GRM7: variants seen among roughly 807,000 people sequenced by gnomAD.
GRM7 encodes glutamate metabotropic receptor 7.
A neutral mutation model predicts 84.5 loss-of-function variants in GRM7; 35 were observed. The observed-to-expected ratio is 0.41, with a 90% CI of 0.32 to 0.55. The LOEUF (loss-of-function observed/expected upper bound fraction) is 0.55, where lower values mean the gene tolerates loss of function less well. Among genes scored for constraint, GRM7 ranks in the 20% least tolerant of loss-of-function variants. The pLI, the probability that GRM7 is intolerant of heterozygous loss-of-function variation, is 0.19. For missense variants in GRM7, 1,003 were observed against 1,194.6 expected, an observed-to-expected ratio of 0.84 and a Z score of 2.36; for synonymous variants, 487 against 455.1, an observed-to-expected ratio of 1.07 and a Z score of -0.89.
chr3:6,924,044 A>G (rs529884151), intron 1 of GRM7, among the ~76,000 whole-genome samples: 1 of 152,320 alleles, frequency 6.6e-6, no homozygotes, highest in South Asian at 2.1e-4. Context: ...TGCTAGCTTT[A>G]TAGCAATGTG....
chr3:7,557,538 GA>G (rs1476977888), intron 7 of GRM7, among the ~76,000 whole-genome samples: 2 of 152,090 alleles, frequency 1.3e-5, no homozygotes, highest in African/African-American at 4.8e-5. Flanking sequence ...AGTGCTTTTA[GA>G]TTTTCAGGGT....
intron 8 of GRM7, among the ~76,000 whole-genome samples, chr3:7,677,484 T>G (rs1382746788): frequency 2.6e-5 from 4 of 152,112 alleles, no homozygotes; most frequent in African/African-American, 9.7e-5. Flanking sequence ...TGAACTCAGA[T>G]AGACTAGCTC....
intron 7 of GRM7, among the ~76,000 whole-genome samples, chr3:7,504,765 T>G (rs190112356): frequency 2.3e-4 from 35 of 152,346 alleles, no homozygotes; most frequent in Non-Finnish European, 4.3e-4. Context: ...AGGGATTCAA[T>G]TTTCAACAAA....
chr3:7,330,458 G>C (rs1701159800), intron 4 of GRM7, among the ~76,000 whole-genome samples: 1 of 152,008 alleles, frequency 6.6e-6, no homozygotes. Context: ...TTTTTAATGT[G>C]GTTCGGCTCT....
chr3:7,087,486 C>T (rs1252261044), intron 1 of GRM7, among the ~76,000 whole-genome samples: 1 of 151,530 alleles, frequency 6.6e-6, no homozygotes, highest in African/African-American at 2.4e-5. Flanking sequence ...TTATTTGCAG[C>T]TGAAAGAAAA....
chr3:7,551,380 G>A (rs938516584), intron 7 of GRM7, among the ~76,000 whole-genome samples: 1 of 152,094 alleles, frequency 6.6e-6, no homozygotes, highest in Non-Finnish European at 1.5e-5. Context: ...TGTGGGAATT[G>A]AGACTTTGGA....
intron 8 of GRM7, among the ~76,000 whole-genome samples, chr3:7,605,969 G>T (rs897974797): frequency 1.3e-5 from 2 of 152,110 alleles, no homozygotes; most frequent in African/African-American, 4.8e-5. Flanking sequence ...CTTATTATTT[G>T]GCTGATGGGC....
rs1398901199 is a variant in GRM7, at chr3:7,397,167, C to A, written c.1034-17856C>A. 3.3e-5 allele frequency among the ~76,000 whole-genome samples: 5 copies of A among 152,162 alleles called. No homozygotes were observed. In the South Asian group the frequency reaches 6.2e-4, roughly 19 times the overall value. ...TGAATGAGTAACTAAATAAACAAAA[C>A]AAGATAAAGAAGAAACAAACTTATC... On this transcript the variant is annotated intron_variant, in intron 4 of 9. Coordinates refer to ENST00000357716, the MANE Select transcript of GRM7 (RefSeq NM_000844.4).
intron 5 of GRM7, among the ~76,000 whole-genome samples, chr3:7,427,865 G>T (rs766916946): frequency 1.2e-4 from 18 of 152,214 alleles, no homozygotes; most frequent in Non-Finnish European, 2.6e-4. Flanking sequence ...TTAATGACAT[G>T]ACAGGCTCAT....
chr3:7,502,696 A>G (rs1699920467), intron 7 of GRM7, among the ~76,000 whole-genome samples: 1 of 152,166 alleles, frequency 6.6e-6, no homozygotes, highest in South Asian at 2.1e-4. Context: ...AGAAACTCAG[A>G]GAAAATGGAT....
chr3:7,658,463 C>T (rs1400460401), intron 8 of GRM7, among the ~76,000 whole-genome samples: 1 of 152,194 alleles, frequency 6.6e-6, no homozygotes, highest in Non-Finnish European at 1.5e-5. Context: ...CTCATCTTAT[C>T]TTTCCCACTC....
At chr3:6,975,041 G>T (rs1397779369) in intron 1 of GRM7, among the ~76,000 whole-genome samples, 2 of 152,154 alleles carry the variant, frequency 1.3e-5, no homozygotes, top group East Asian at 1.9e-4. Context: ...AACAAGCAAA[G>T]GGTGTGGGAT....
intron 9 of GRM7, among the ~76,000 whole-genome samples, chr3:7,728,716 T>G (rs921807816): frequency 1.3e-5 from 2 of 152,188 alleles, no homozygotes; most frequent in African/African-American, 4.8e-5. Context: ...TAGGTTTAAT[T>G]ATTAACTTAA....
chr3:6,966,635 T>C (rs1693531725), intron 1 of GRM7, among the ~76,000 whole-genome samples: 1 of 152,240 alleles, frequency 6.6e-6, no homozygotes, highest in Non-Finnish European at 1.5e-5. Flanking sequence ...CTATGTTTAA[T>C]GTATATGATG....
At chr3:7,574,969 G>T (rs1011210267) in intron 7 of GRM7, among the ~76,000 whole-genome samples, 1 of 152,078 alleles carries the variant, frequency 6.6e-6, no homozygotes, top group Non-Finnish European at 1.5e-5. Context: ...GTTAACAATG[G>T]CATATTCGTT....
At chr3:7,556,447 G>A (rs1693762652) in intron 7 of GRM7, among the ~76,000 whole-genome samples, 1 of 152,100 alleles carries the variant, frequency 6.6e-6, no homozygotes, top group Non-Finnish European at 1.5e-5. Flanking sequence ...CTGCATTTTT[G>A]CAGTGCCCAA....
intron 1 of GRM7, among the ~76,000 whole-genome samples, chr3:7,000,100 C>T (rs980668857): frequency 2.0e-5 from 3 of 150,768 alleles, no homozygotes; most frequent in Non-Finnish European, 2.9e-5. Context: ...TTCTCTCATG[C>T]TAAAGTTTTT....
At chr3:7,002,128 G>A (rs893958728) in intron 1 of GRM7, among the ~76,000 whole-genome samples, 7 of 152,090 alleles carry the variant, frequency 4.6e-5, no homozygotes, top group Non-Finnish European at 8.8e-5. Flanking sequence ...TTGGGAAGTA[G>A]GAAAGAGACA....
chr3:7,615,591 G>A (rs1451774674), intron 8 of GRM7, among the ~76,000 whole-genome samples: 2 of 152,124 alleles, frequency 1.3e-5, no homozygotes, highest in African/African-American at 4.8e-5. Context: ...TTCTGCTTCT[G>A]AGTAAGGCTG....
Sources: allele counts gnomAD v4.1 joint callset (sites outside exome capture counted in the v4.1 genomes callset), GRCh38; gene constraint gnomAD v4.1.1; transcripts MANE v1.5; gene names NCBI Gene and HGNC (gene_info 2026-07-23, HGNC 2026-07-21).